The following ADAM28 variants were observed in gnomAD, a reference collection of about 807,000 sequenced individuals.
ADAM28 encodes disintegrin and metalloproteinase domain-containing protein 28.
A neutral mutation model predicts 101.2 loss-of-function variants in ADAM28; 105 were observed. The observed-to-expected ratio is 1.04, with a 90% CI of 0.89 to 1.22. The LOEUF is 1.22. ADAM28 is among the 50% of genes most tolerant of loss of function. ADAM28 has a pLI of 0.00. For synonymous variants in ADAM28, 322 were observed against 310.6 expected (o/e 1.04, Z -0.39); for missense variants, 1,028 against 945.4 (o/e 1.09, Z -1.15).
At chr8:24,350,035 T>C in intron 19 of ADAM28, 63 bp downstream of exon 19, 1 of 1,415,770 alleles carries the variant, frequency 7.1e-7, no homozygotes, top group Non-Finnish European at 9.9e-7. Flanking sequence ...TACTTTAAAT[T>C]CAATGTATAA....
chr8:24,323,011 T>C lies in ADAM28; in HGVS notation c.721-823T>C, dbSNP rs1024255193. 5.9e-5 allele frequency among the ~76,000 whole-genome samples: 9 copies of C among 151,990 alleles called. No homozygotes were observed. In the East Asian group the frequency reaches 1.7e-3, roughly 29 times the overall value. On this transcript the variant is annotated intron_variant, in intron 8 of 22. Transcript: ENST00000265769. The stretch of plus-strand genomic sequence containing the variant: ...TGTTTAAGATTAGAGGACCATTGTC[T>C]CATTCTGAAAATACATAATATGGGT...
intron 16 of ADAM28, among the ~76,000 whole-genome samples, chr8:24,342,416 G>T (rs1272635445): frequency 6.6e-6 from 1 of 152,076 alleles, no homozygotes; most frequent in Non-Finnish European, 1.5e-5. Flanking sequence ...TATCTAAGTG[G>T]TTCAGTGTGG....
chr8:24,297,750 G>A (rs1370351302), intron 1 of ADAM28, among the ~76,000 whole-genome samples: 1 of 152,092 alleles, frequency 6.6e-6, no homozygotes, highest in Non-Finnish European at 1.5e-5. Flanking sequence ...TTTCTGGCAG[G>A]AGTAATTTTC....
chr8:24,329,744 A>T (rs1199133336), intron 10 of ADAM28, among the ~76,000 whole-genome samples: 1 of 152,106 alleles, frequency 6.6e-6, no homozygotes, highest in Non-Finnish European at 1.5e-5. Context: ...AAAGAAAACT[A>T]GAACAATTTC....
rs528492280 is a variant in ADAM28 at position 24,305,711 on chromosome 8, TA to T, written c.151-4182del. On this transcript the variant is annotated intron_variant, in intron 2 of 22. Coordinates refer to ENST00000265769, the MANE Select transcript of ADAM28 (RefSeq NM_014265.6). ...ATGTTCCTTTAAATGGAAAATCTTTTATTTTTTTAGTTTCATCTATTACATT... is the reference window on the plus strand; with the variant it reads ...ATGTTCCTTTAAATGGAAAATCTTTTTTTTTTTAGTTTCATCTATTACATT... Among the ~76,000 whole-genome samples, 118 of 152,308 alleles carry T rather than the reference TA, an allele frequency of 7.7e-4. 1 individual carries two copies. The highest frequency in any genetic ancestry group is 2.7e-3 in the African/African-American group (112 of 41,568).
intron 10 of ADAM28, 90 bp from the exon 11 acceptor site, chr8:24,329,895 G>C (rs1813135129): frequency 2.9e-5 from 37 of 1,293,368 alleles, no homozygotes; most frequent in South Asian, 4.1e-5. Flanking sequence ...GTGAGAGAGA[G>C]AGAGAGAGAG....
intron 14 of ADAM28, among the ~76,000 whole-genome samples, chr8:24,337,590 T>C (rs1814253580): frequency 6.6e-6 from 1 of 152,216 alleles, no homozygotes; most frequent in African/African-American, 2.4e-5. Context: ...ATTGAACATA[T>C]TTATCTGATC....
At position 24,357,595 on chromosome 8, in the gene ADAM28, C is replaced by G. The variant is rs1412145690; in HGVS notation, c.*3191C>G. ...CATGGGGGAAACCACCCCCATGATC[C>G]AATCACCTCCCACCTGGTCCCTCCC... On this transcript the variant is annotated 3_prime_UTR_variant, in exon 23 of 23. Transcript: ENST00000265769. 6 of 152,048 alleles carry G rather than the reference C, an allele frequency of 3.9e-5. No individual in the cohort carries two copies. The highest frequency in any genetic ancestry group is 8.8e-5 in the Non-Finnish European group (6 of 67,998). 9.4% of individuals were successfully genotyped at this position (152,048 alleles called of 1,614,324 possible). A position where few individuals can be genotyped will look rare whatever the true frequency, so the allele number is the denominator to read the frequency against.
intron 16 of ADAM28, among the ~76,000 whole-genome samples, chr8:24,342,783 T>G (rs1814939895): frequency 1.3e-5 from 2 of 152,166 alleles, no homozygotes; most frequent in African/African-American, 2.4e-5. Context: ...ATTGAGATGT[T>G]TCTGGGTCCC....
At chr8:24,346,524 T>C (rs1815418515) in intron 18 of ADAM28, among the ~76,000 whole-genome samples, 2 of 152,022 alleles carry the variant, frequency 1.3e-5, no homozygotes, top group South Asian at 4.1e-4. Context: ...AGAAAAGGGG[T>C]TTATAGGCTT....
chr8:24,304,200 C>T (rs1341350172), intron 2 of ADAM28, among the ~76,000 whole-genome samples: 2 of 149,188 alleles, frequency 1.3e-5, no homozygotes, highest in African/African-American at 5.0e-5. Context: ...TTAACGAAAG[C>T]CATAGACTAG....
chr8:24,351,409 G>A (rs550735866), intron 20 of ADAM28, 99 bp downstream of exon 20: 16 of 1,266,956 alleles, frequency 1.3e-5, no homozygotes, highest in East Asian at 7.0e-5. Context: ...ACCCAGCAGC[G>A]TTTTGCAGTA....
chr8:24,350,470 C>A (rs1347731108), intron 19 of ADAM28, among the ~76,000 whole-genome samples: 1 of 151,956 alleles, frequency 6.6e-6, no homozygotes, highest in Non-Finnish European at 1.5e-5. Context: ...TACCACCACA[C>A]CGGGTTATTT....
At chr8:24,307,236 T>C (rs184646056) in intron 2 of ADAM28, among the ~76,000 whole-genome samples, 30 of 152,322 alleles carry the variant, frequency 2.0e-4, no homozygotes, top group African/African-American at 7.0e-4. Context: ...GAAAGCTTCA[T>C]AGGTCTCACC....
At position 24,355,185 on chromosome 8, in the gene ADAM28, A is replaced by G. The variant is rs1051635965; in HGVS notation, c.*781A>G. 1 of 152,572 alleles carries G rather than the reference A, an allele frequency of 6.6e-6. No homozygotes were observed. Among genetic ancestry groups the G allele is most frequent in the African/African-American group, 2.4e-5 (1 of 41,462 alleles). The allele number at this position is 152,572 out of a possible 1,614,324, so 9.5% of individuals were successfully genotyped here. On this transcript the variant is annotated 3_prime_UTR_variant, in exon 23 of 23. Coordinates refer to ENST00000265769, the MANE Select transcript of ADAM28 (RefSeq NM_014265.6). ...ATATTTAAAAATTGAGAGATCTTGC[A>G]TAAACAATAGATTCCCAGCTTTGTC...
At chr8:24,330,499 C>A (rs1345578641) in intron 11 of ADAM28, among the ~76,000 whole-genome samples, 1 of 152,162 alleles carries the variant, frequency 6.6e-6, no homozygotes, top group African/African-American at 2.4e-5. Context: ...GAAAAGACAT[C>A]ACACATTCCC....
intron 6 of ADAM28, among the ~76,000 whole-genome samples, chr8:24,317,484 C>A (rs1336621987): frequency 6.6e-6 from 1 of 151,822 alleles, no homozygotes; most frequent in Non-Finnish European, 1.5e-5. Context: ...TATCCACATG[C>A]AAAATTATGA....
In ADAM28 at chr8:24,355,634, C is replaced by T. The variant is rs1816633362; in HGVS notation, c.*1230C>T. 1 of 145,438 alleles carries T rather than the reference C, an allele frequency of 6.9e-6. No individual in the cohort carries two copies. The highest frequency in any genetic ancestry group is 7.1e-5 in the Admixed American group (1 of 14,176). The allele number at this position is 145,438 out of a possible 1,614,324, so 9.0% of individuals were successfully genotyped here. A position where few individuals can be genotyped will look rare whatever the true frequency, so the allele number is the denominator to read the frequency against. Reference sequence around the variant, plus strand: ...GAATACTCTAGCTGGTACTGCTGCGCTCCACACGGTGATTATGAAGGCTGA... The same window carrying T: ...GAATACTCTAGCTGGTACTGCTGCGTTCCACACGGTGATTATGAAGGCTGA... On this transcript the variant is annotated 3_prime_UTR_variant, in exon 23 of 23. Transcript: ENST00000265769.
At position 24,343,512 on chromosome 8, in the gene ADAM28, GA is replaced by G; in HGVS notation, c.1919del (p.Asp640AlafsTer46). 2.5e-6 allele frequency: 4 copies of G among 1,613,742 alleles called. No individual in the cohort carries two copies. Among genetic ancestry groups the G allele is most frequent in the Non-Finnish European group, 3.4e-6 (4 of 1,179,798 alleles). ...AGGATCATTGCTCCCCTAGGTGTGT[GA>G]CCATGAGCTCCAGTGTCAATGTGAG... Reference protein sequence around the residue: ...SSKCKGHAVCDHELQCQCEEG... With the variant: ...SSKCKGHAVCXHELQCQCEEG... On this transcript the variant is annotated frameshift_variant, in exon 18 of 23. Coordinates refer to ENST00000265769, the MANE Select transcript of ADAM28 (RefSeq NM_014265.6). LOFTEE classifies it high-confidence loss of function.
Sources: gnomAD v4.1 joint callset for allele counts (sites outside exome capture counted in the v4.1 genomes callset) on GRCh38, gnomAD v4.1.1 for gene constraint, MANE v1.5 for transcripts, NCBI Gene and HGNC (gene_info 2026-07-23, HGNC 2026-07-21) for gene names.